PCDHA9: variants seen among roughly 807,000 people sequenced by gnomAD.
PCDHA9 encodes protocadherin alpha-9.
PCDHA9 carries 62 observed loss-of-function variants against 62.0 expected under a neutral mutation model. That is an observed-to-expected ratio of 1.00 (90% CI 0.81 to 1.23). The LOEUF (loss-of-function observed/expected upper bound fraction) is 1.23, where lower values mean the gene tolerates loss of function less well. PCDHA9 is among the 50% of genes most tolerant of loss of function. PCDHA9 has a pLI of 0.00. For missense variants in PCDHA9, 1,205 were observed against 1,249.8 expected (o/e 0.96, Z 0.54); for synonymous variants, 557 against 567.6 (o/e 0.98, Z 0.27).
chr5:141,012,057 A>G lies in PCDHA9; in HGVS notation c.*2120A>G, dbSNP rs2098422809. 6.5e-6 allele frequency: 1 copy of G among 153,774 alleles called. No individual in the cohort carries two copies. Among genetic ancestry groups the G allele is most frequent in the African/African-American group, 2.4e-5 (1 of 41,454 alleles). The allele number at this position is 153,774 out of a possible 1,614,324, so 9.5% of individuals were successfully genotyped here. A position where few individuals can be genotyped will look rare whatever the true frequency, so the allele number is the denominator to read the frequency against. Reference sequence around the variant, plus strand: ...ATTGCATGGGGTAAAACTTGTTACCAACACATGTGAACCATTGCTACATTG... The same window carrying G: ...ATTGCATGGGGTAAAACTTGTTACCGACACATGTGAACCATTGCTACATTG... On this transcript the variant is annotated 3_prime_UTR_variant, in exon 4 of 4. Transcript: ENST00000532602.
chr5:140,981,626 T>A (rs1199717691), intron 2 of PCDHA9, among the ~76,000 whole-genome samples: 1 of 152,176 alleles, frequency 6.6e-6, no homozygotes, highest in Middle Eastern at 3.2e-3. Flanking sequence ...GAGGGTTTTC[T>A]TGGACATTTT....
chr5:140,870,898 G>A (rs781950776), intron 1 of PCDHA9: 124 of 1,613,858 alleles, frequency 7.7e-5, no homozygotes, highest in Non-Finnish European at 1.0e-4. Flanking sequence ...AGTGGATGCG[G>A]ACTCAGGCTA....
intron 1 of PCDHA9, among the ~76,000 whole-genome samples, chr5:140,969,881 G>A (rs1554232131): frequency 6.6e-6 from 1 of 152,196 alleles, no homozygotes; most frequent in African/African-American, 2.4e-5. Context: ...CTATGTGATA[G>A]GATCCTCTGG....
intron 1 of PCDHA9, chr5:140,969,195 A>G: frequency 6.2e-7 from 1 of 1,614,158 alleles, no homozygotes; most frequent in Non-Finnish European, 8.5e-7. Flanking sequence ...ATGTTTTACA[A>G]TACAGGGGCC....
At chr5:140,899,431 T>C (rs1271468350) in intron 1 of PCDHA9, among the ~76,000 whole-genome samples, 2 of 152,242 alleles carry the variant, frequency 1.3e-5, no homozygotes, top group Non-Finnish European at 2.9e-5. Context: ...AGGTCTTTTC[T>C]GCATCTATTG....
chr5:140,892,498 T>G (rs937078713), intron 1 of PCDHA9, among the ~76,000 whole-genome samples: 3 of 152,232 alleles, frequency 2.0e-5, no homozygotes, highest in Non-Finnish European at 4.4e-5. Flanking sequence ...AGAGATTGTT[T>G]AAGAAGTTCC....
intron 1 of PCDHA9, chr5:140,877,868 T>G: frequency 6.7e-7 from 1 of 1,488,916 alleles, no homozygotes; most frequent in Non-Finnish European, 8.9e-7. Context: ...TTAGATATAT[T>G]TGTTTCCTTG....
In PCDHA9 at chr5:140,862,815, G is replaced by C. The variant is rs781964079; in HGVS notation, c.2394+11926G>C. 7 of 574,804 alleles carry C rather than the reference G, an allele frequency of 1.2e-5. No individual in the cohort carries two copies. The African/African-American group carries it at 1.3e-4, about 11-fold the overall frequency. The allele number at this position is 574,804 out of a possible 1,614,324, so 35.6% of individuals were successfully genotyped here. A position where few individuals can be genotyped will look rare whatever the true frequency, so the allele number is the denominator to read the frequency against. ...AGGAGCTGGAGCTGCTGCAGTTCTA[G>C]GTGAGAGCGCGCGACGCGGGCATGC... is the stretch of plus-strand genomic sequence containing the variant. On this transcript the variant is annotated intron_variant, in intron 1 of 3. Coordinates refer to ENST00000532602, the MANE Select transcript of PCDHA9 (RefSeq NM_031857.2).
At chr5:140,883,477 C>T (rs2059632046) in intron 1 of PCDHA9, 2 of 1,614,054 alleles carry the variant, frequency 1.2e-6, no homozygotes, top group Non-Finnish European at 1.7e-6. Flanking sequence ...CCTACAAGAA[C>T]TACTACTCAT....
rs201090787 is a variant in PCDHA9, at chr5:140,876,840, G to A, written c.2394+25951G>A. On this transcript the variant is annotated intron_variant, in intron 1 of 3. Coordinates refer to ENST00000532602, the MANE Select transcript of PCDHA9 (RefSeq NM_031857.2). Reference sequence around the variant, plus strand: ...TGAACGACAATGCGCCTGCGTTCGCGCAGCCCGAGTACACAGTGTTCGTGA... The same window carrying A: ...TGAACGACAATGCGCCTGCGTTCGCACAGCCCGAGTACACAGTGTTCGTGA... 2.5e-6 allele frequency: 4 copies of A among 1,614,166 alleles called. No homozygotes were observed. In the East Asian group the frequency reaches 6.7e-5, roughly 27 times the overall value.
At chr5:140,883,133 G>C in intron 1 of PCDHA9, 1 of 1,614,112 alleles carries the variant, frequency 6.2e-7, no homozygotes, top group Non-Finnish European at 8.5e-7. Flanking sequence ...ATGGCCTGCA[G>C]TGGTATATGC....
At chr5:140,873,615 A>C (rs1487252868) in intron 1 of PCDHA9, among the ~76,000 whole-genome samples, 3 of 152,280 alleles carry the variant, frequency 2.0e-5, no homozygotes, top group African/African-American at 7.2e-5. Context: ...TTGGCTTAAC[A>C]ATTTGTTTAG....
intron 1 of PCDHA9, among the ~76,000 whole-genome samples, chr5:140,941,906 GC>G: frequency 6.6e-6 from 1 of 152,248 alleles, no homozygotes; most frequent in South Asian, 2.1e-4. Context: ...ACATTGAAAT[GC>G]TTTTATGTAT....
chr5:140,977,012 TTC>T (rs2096742095), intron 1 of PCDHA9, among the ~76,000 whole-genome samples: 1 of 152,220 alleles, frequency 6.6e-6, no homozygotes, highest in African/African-American at 2.4e-5. Context: ...GTAACTGTGA[TTC>T]TGTCAAATGA....
At chr5:140,970,271 G>A (rs1395602971) in intron 1 of PCDHA9, among the ~76,000 whole-genome samples, 1 of 152,200 alleles carries the variant, frequency 6.6e-6, no homozygotes, top group Non-Finnish European at 1.5e-5. Context: ...TTGATGAGAT[G>A]TAAAGTAGCC....
intron 3 of PCDHA9, among the ~76,000 whole-genome samples, chr5:141,005,559 G>A (rs980622255): frequency 6.6e-6 from 1 of 151,190 alleles, no homozygotes; most frequent in Admixed American, 6.6e-5. Flanking sequence ...AAAATTAGCC[G>A]GGCATGGTGG....
intron 1 of PCDHA9, chr5:140,927,658 C>T (rs782350503): frequency 5.0e-6 from 8 of 1,614,094 alleles, no homozygotes; most frequent in Non-Finnish European, 6.8e-6. Context: ...ATTCCGAGTT[C>T]AAGCCTTGGA....
intron 1 of PCDHA9, chr5:140,967,400 C>T: frequency 6.2e-7 from 1 of 1,611,718 alleles, no homozygotes; most frequent in South Asian, 1.1e-5. Context: ...GCTGGTGCTG[C>T]GTAAGGGCCT....
At chr5:140,857,705 T>C in intron 1 of PCDHA9, 1 of 1,597,138 alleles carries the variant, frequency 6.3e-7, no homozygotes, top group Non-Finnish European at 8.6e-7. Flanking sequence ...GCTGCAGGTG[T>C]TCGTGCTGGA....
Sources: allele counts gnomAD v4.1 joint callset (sites outside exome capture counted in the v4.1 genomes callset), GRCh38; gene constraint gnomAD v4.1.1; transcripts MANE v1.5; gene names NCBI Gene and HGNC (gene_info 2026-07-23, HGNC 2026-07-21).